The following PLPP4 variants were observed in gnomAD, a reference collection of about 807,000 sequenced individuals.
PLPP4 encodes the protein diacylglycerol pyrophosphate like 2.
Under a neutral mutation model 32.2 loss-of-function variants are expected in PLPP4, and 20 were observed. That is an observed-to-expected ratio of 0.62 (90% confidence interval 0.44 to 0.90). PLPP4 has a LOEUF of 0.90. PLPP4 is among the 40% of genes least tolerant of loss of function. The pLI, the probability that PLPP4 is intolerant of heterozygous loss-of-function variation, is 0.00. For synonymous variants in PLPP4, 127 were observed against 133.0 expected (o/e 0.95, Z 0.31); for missense variants, 257 against 353.1 (o/e 0.73, Z 2.18).
intron 1 of PLPP4, among the ~76,000 whole-genome samples, chr10:120,482,757 A>G (rs1255715258): frequency 6.6e-6 from 1 of 151,872 alleles, no homozygotes; most frequent in Non-Finnish European, 1.5e-5. Flanking sequence ...ACAAAAAAAA[A>G]AAAACTTAGC....
At chr10:120,503,560 C>T in intron 1 of PLPP4, 1 of 1,606,534 alleles carries the variant, frequency 6.2e-7, no homozygotes, top group Non-Finnish European at 8.5e-7. Context: ...AGTCTTTGTA[C>T]ACACAAAGCT....
chr10:120,568,398 T>G (rs1335128172), intron 5 of PLPP4, among the ~76,000 whole-genome samples: 1 of 152,172 alleles, frequency 6.6e-6, no homozygotes, highest in East Asian at 1.9e-4. Context: ...TTGAGGCTAC[T>G]CGTTTAGAAG....
intron 2 of PLPP4, among the ~76,000 whole-genome samples, chr10:120,510,804 A>G (rs1055529210): frequency 3.3e-5 from 5 of 152,188 alleles, no homozygotes; most frequent in South Asian, 2.1e-4. Flanking sequence ...ACATGTAACT[A>G]TGTCTCTATC....
chr10:120,516,421 G>A (rs4752425), intron 3 of PLPP4, among the ~76,000 whole-genome samples: 131,187 of 152,208 alleles, frequency 0.86, 57,961 homozygotes, highest in Non-Finnish European at 0.95. Context: ...GCCCCATGCA[G>A]CATTGGGCTT....
intron 1 of PLPP4, among the ~76,000 whole-genome samples, chr10:120,495,615 A>G (rs1002805018): frequency 5.3e-5 from 8 of 152,098 alleles, no homozygotes; most frequent in Admixed American, 2.6e-4. Flanking sequence ...TTTGTTTATC[A>G]TGTGTCTTCA....
chr10:120,507,089 A>G (rs1280706493), intron 2 of PLPP4, among the ~76,000 whole-genome samples: 1 of 152,180 alleles, frequency 6.6e-6, no homozygotes, highest in Admixed American at 6.5e-5. Context: ...CTTAATCGGT[A>G]TTAGTTGTTG....
chr10:120,476,058 C>T (rs1843890611), intron 1 of PLPP4, among the ~76,000 whole-genome samples: 1 of 152,204 alleles, frequency 6.6e-6, no homozygotes, highest in African/African-American at 2.4e-5. Flanking sequence ...TGGCATGTGC[C>T]TGCATCACCA....
At chr10:120,462,341 A>C (rs976163421) in intron 1 of PLPP4, among the ~76,000 whole-genome samples, 2 of 152,076 alleles carry the variant, frequency 1.3e-5, no homozygotes, top group Non-Finnish European at 1.5e-5. Flanking sequence ...GGGGGCCTGG[A>C]GGTTTGAAAC....
intron 4 of PLPP4, among the ~76,000 whole-genome samples, chr10:120,520,444 T>C (rs1846103792): frequency 6.6e-6 from 1 of 152,224 alleles, no homozygotes; most frequent in Admixed American, 6.5e-5. Flanking sequence ...ATAGGATTAC[T>C]TATTTATCGT....
At chr10:120,460,738 A>G (rs1487457359) in intron 1 of PLPP4, among the ~76,000 whole-genome samples, 1 of 152,236 alleles carries the variant, frequency 6.6e-6, no homozygotes, top group South Asian at 2.1e-4. Flanking sequence ...AAAAAATAGC[A>G]GCCAGTTTTG....
chr10:120,569,678 T>C (rs1033302492), intron 5 of PLPP4, among the ~76,000 whole-genome samples: 4 of 152,234 alleles, frequency 2.6e-5, no homozygotes, highest in Admixed American at 1.3e-4. Flanking sequence ...ATAAAGGACA[T>C]GACCTTTCAT....
intron 1 of PLPP4, among the ~76,000 whole-genome samples, chr10:120,485,211 C>G (rs1844390234): frequency 6.6e-6 from 1 of 152,250 alleles, no homozygotes; most frequent in Non-Finnish European, 1.5e-5. Context: ...GAAACTTATA[C>G]CATCTGTTTC....
intron 1 of PLPP4, among the ~76,000 whole-genome samples, chr10:120,492,042 T>A (rs1844747116): frequency 6.6e-6 from 1 of 152,234 alleles, no homozygotes; most frequent in Non-Finnish European, 1.5e-5. Context: ...TTAATGCCAG[T>A]TGCTGAGTGC....
At chr10:120,532,083 C>T (rs1388262343) in intron 5 of PLPP4, among the ~76,000 whole-genome samples, 1 of 151,994 alleles carries the variant, frequency 6.6e-6, no homozygotes, top group Non-Finnish European at 1.5e-5. Flanking sequence ...CCCAACAGGC[C>T]CTGGTGTGTG....
chr10:120,460,896 G>A (rs1272166261), intron 1 of PLPP4, among the ~76,000 whole-genome samples: 2 of 152,206 alleles, frequency 1.3e-5, no homozygotes, highest in South Asian at 2.1e-4. Context: ...AAGTCACTCA[G>A]CTAGCAGGAG....
chr10:120,568,141 C>G (rs2134031925), intron 5 of PLPP4, among the ~76,000 whole-genome samples: 1 of 152,338 alleles, frequency 6.6e-6, no homozygotes, highest in Non-Finnish European at 1.5e-5. Context: ...CCTTTTTCCA[C>G]TCATACAATA....
intron 2 of PLPP4, among the ~76,000 whole-genome samples, chr10:120,509,674 C>T (rs1845648443): frequency 6.6e-6 from 1 of 152,064 alleles, no homozygotes; most frequent in Non-Finnish European, 1.5e-5. Context: ...TGTGTTCACT[C>T]ATCTCTCTGA....
intron 5 of PLPP4, among the ~76,000 whole-genome samples, chr10:120,536,775 G>T (rs1847045187): frequency 6.6e-6 from 1 of 151,848 alleles, no homozygotes; most frequent in Admixed American, 6.6e-5. Flanking sequence ...ACCTTGAAAT[G>T]GGAGGCAATA....
chr10:120,514,234 G>A (rs771542021), intron 3 of PLPP4, among the ~76,000 whole-genome samples: 1 of 152,194 alleles, frequency 6.6e-6, no homozygotes, highest in African/African-American at 2.4e-5. Flanking sequence ...CTGAATGCTC[G>A]TAACACCCTG....
Sources: allele counts gnomAD v4.1 joint callset (sites outside exome capture counted in the v4.1 genomes callset), GRCh38; gene constraint gnomAD v4.1.1; transcripts MANE v1.5; gene names NCBI Gene and HGNC (gene_info 2026-07-23, HGNC 2026-07-21).